Variants in RYK observed in about 807,000 individuals in gnomAD.
RYK encodes inactive tyrosine-protein kinase RYK.
RYK carries 21 observed loss-of-function variants against 70.2 expected under a neutral mutation model. The observed-to-expected ratio is 0.30, with a 90% CI of 0.21 to 0.43. The LOEUF is 0.43. Ranked by LOEUF, RYK falls within the 20% of genes least tolerant of loss-of-function variation. The probability of loss-of-function intolerance (pLI) is 1.00; values close to 1 mark genes in which losing one functional copy is unlikely to be tolerated. For missense variants in RYK, 604 were observed against 753.3 expected (o/e 0.80, Z 2.32); for synonymous variants, 267 against 278.0 (o/e 0.96, Z 0.39).
chr3:134,240,387 A>G (rs1415578809), intron 1 of RYK, among the ~76,000 whole-genome samples: 1 of 152,024 alleles, frequency 6.6e-6, no homozygotes, highest in Non-Finnish European at 1.5e-5. Context: ...CCTTATTTTG[A>G]ATTTTTGAAA....
chr3:134,214,140 C>T (rs868231141), intron 2 of RYK, among the ~76,000 whole-genome samples: 1 of 152,170 alleles, frequency 6.6e-6, no homozygotes, highest in African/African-American at 2.4e-5. Context: ...ATGGCTACTT[C>T]TCATGCCATC....
intron 1 of RYK, 22 bp from the exon 2 acceptor site, chr3:134,222,561 A>G: frequency 6.6e-7 from 1 of 1,514,420 alleles, no homozygotes; most frequent in South Asian, 1.2e-5. Flanking sequence ...TAGGAAAAAA[A>G]TAATTAAACA....
chr3:134,241,906 C>G (rs1386335817), intron 1 of RYK, among the ~76,000 whole-genome samples: 1 of 152,202 alleles, frequency 6.6e-6, no homozygotes, highest in Non-Finnish European at 1.5e-5. Context: ...TGTAAAGTAC[C>G]TGGCATACAG....
At chr3:134,178,243 T>C (rs2013174006) in intron 10 of RYK, 170 bp from the exon 11 acceptor site, 1 of 558,130 alleles carries the variant, frequency 1.8e-6, no homozygotes, top group Non-Finnish European at 3.1e-6. Context: ...CAGACTTAAG[T>C]GTCCCCTATA....
At chr3:134,160,097 C>T (rs544980420) in intron 13 of RYK, among the ~76,000 whole-genome samples, 49 of 152,256 alleles carry the variant, frequency 3.2e-4, no homozygotes, top group Non-Finnish European at 5.6e-4. Flanking sequence ...ACTGATCTGC[C>T]GCCAAGTGTG....
Position 134,222,543 on chromosome 3 carries a change from G to C in RYK, c.233-4C>G, listed in dbSNP as rs116266774. The stretch of plus-strand genomic sequence containing the variant: ...TAATAAAGTTCTGCATCAAGACCTA[G>C]AAAAAAATAGGAAAAAAATAATTAA... On this transcript the variant is annotated splice_polypyrimidine_tract_variant and splice_region_variant and intron_variant, in intron 1 of 14. Transcript: ENST00000623711. 2.3e-3 allele frequency: 3,565 copies of C among 1,580,678 alleles called. 75 individuals are homozygous for C. The African/African-American group carries it at 0.043, about 19-fold the overall frequency.
Position 134,250,686 on chromosome 3 carries a change from C to G in RYK, c.-32G>C. On this transcript the variant is annotated 5_prime_UTR_variant, in exon 1 of 15. Coordinates refer to ENST00000623711, the MANE Select transcript of RYK (RefSeq NM_002958.4). ...CGCCGCCGCCGCCGAAGAGGAGCGT[C>G]GGCCGCCCGCCGCACCGCCGCCCAC... 1.0e-6 allele frequency: 1 copy of G among 973,064 alleles called. No homozygotes were observed. Among genetic ancestry groups the G allele is most frequent in the Non-Finnish European group, 1.2e-6 (1 of 820,540 alleles). 60.3% of individuals were successfully genotyped at this position (973,064 alleles called of 1,614,324 possible).
In RYK at chr3:134,157,242, C is replaced by T. The variant is rs566112732; in HGVS notation, c.*911G>A. 1.3e-5 allele frequency: 2 copies of T among 152,022 alleles called. No individual in the cohort carries two copies. The highest frequency in any genetic ancestry group is 4.8e-5 in the African/African-American group (2 of 41,342). The allele number at this position is 152,022 out of a possible 1,614,324, so 9.4% of individuals were successfully genotyped here. On this transcript the variant is annotated 3_prime_UTR_variant, in exon 15 of 15. Transcript: ENST00000623711. ...TACCAGTTTACATTTAAAAAACAAA[C>T]AAAAAACGACAACAACTCAAGCACC...
intron 1 of RYK, among the ~76,000 whole-genome samples, chr3:134,235,029 G>C (rs760829867): frequency 1.3e-5 from 2 of 151,982 alleles, no homozygotes; most frequent in Non-Finnish European, 2.9e-5. Flanking sequence ...TCATCTGTAA[G>C]ATATTTACAA....
intron 8 of RYK, among the ~76,000 whole-genome samples, chr3:134,191,132 A>C (rs1222125964): frequency 6.6e-6 from 1 of 152,210 alleles, no homozygotes. Flanking sequence ...GTAAAAAAGT[A>C]ATTCTCTATT....
chr3:134,206,946 CAAG>C (rs1318147942), intron 5 of RYK, among the ~76,000 whole-genome samples: 6 of 150,850 alleles, frequency 4.0e-5, no homozygotes, highest in South Asian at 2.1e-4. Flanking sequence ...AACACTACCG[CAAG>C]AAGAGTAAGA....
At chr3:134,250,384 G>A (rs1201621708) in intron 1 of RYK, 39 bp downstream of exon 1, 2 of 1,310,556 alleles carry the variant, frequency 1.5e-6, no homozygotes, top group Non-Finnish European at 2.0e-6. Flanking sequence ...GCCCCAGCCG[G>A]CCCGACCTGC....
chr3:134,230,883 C>T (rs1576533440), intron 1 of RYK, among the ~76,000 whole-genome samples: 1 of 152,132 alleles, frequency 6.6e-6, no homozygotes, highest in South Asian at 2.1e-4. Context: ...ATGGTTTTTA[C>T]CTCTCTGCTT....
At chr3:134,176,354 A>G (rs909691436) in intron 11 of RYK, among the ~76,000 whole-genome samples, 1 of 152,228 alleles carries the variant, frequency 6.6e-6, no homozygotes, top group African/African-American at 2.4e-5. Flanking sequence ...TCTCAAGGTA[A>G]TATTTCAAAT....
chr3:134,205,494 AC>A (rs1278489025), intron 5 of RYK, among the ~76,000 whole-genome samples: 1 of 152,184 alleles, frequency 6.6e-6, no homozygotes, highest in Non-Finnish European at 1.5e-5. Flanking sequence ...CTTGGGAGGG[AC>A]AGAAAAAAAT....
intron 13 of RYK, among the ~76,000 whole-genome samples, chr3:134,161,911 A>G (rs553616229): frequency 6.6e-6 from 1 of 151,270 alleles, no homozygotes; most frequent in South Asian, 2.1e-4. Context: ...TTATTGTCCC[A>G]CTGCTCTGAT....
intron 13 of RYK, among the ~76,000 whole-genome samples, chr3:134,165,918 T>C (rs904973937): frequency 6.6e-6 from 1 of 152,240 alleles, no homozygotes; most frequent in Admixed American, 6.5e-5. Flanking sequence ...GCATAAACTG[T>C]ACCTTGAGGT....
chr3:134,212,962 GT>G (rs2014446054), intron 2 of RYK, among the ~76,000 whole-genome samples: 1 of 151,106 alleles, frequency 6.6e-6, no homozygotes, highest in African/African-American at 2.4e-5. Flanking sequence ...TAAAGGCTGT[GT>G]TTGATAAGTG....
At chr3:134,228,869 A>T (rs900211873) in intron 1 of RYK, among the ~76,000 whole-genome samples, 2 of 152,246 alleles carry the variant, frequency 1.3e-5, no homozygotes, top group African/African-American at 4.8e-5. Flanking sequence ...CAAGGTTATT[A>T]TCACAAAGAA....
Sources: allele counts gnomAD v4.1 joint callset (sites outside exome capture counted in the v4.1 genomes callset), GRCh38; gene constraint gnomAD v4.1.1; transcripts MANE v1.5; gene names NCBI Gene and HGNC (gene_info 2026-07-23, HGNC 2026-07-21).